PDSS2: variants seen among roughly 807,000 people sequenced by gnomAD.
PDSS2 encodes all trans-polyprenyl-diphosphate synthase PDSS2.
Under a neutral mutation model 44.5 loss-of-function variants are expected in PDSS2, and 31 were observed. The ratio of observed to expected loss-of-function variants is 0.70; its 90% CI spans 0.52 to 0.94. PDSS2 has a LOEUF of 0.94. Ranked by LOEUF, PDSS2 falls within the 40% of genes least tolerant of loss-of-function variation. The pLI is 0.00. For synonymous variants in PDSS2, 157 were observed against 180.3 expected (o/e 0.87, Z 1.03); for missense variants, 452 against 482.2 (o/e 0.94, Z 0.59).
At chr6:107,405,570 G>A (rs1019552666) in intron 1 of PDSS2, among the ~76,000 whole-genome samples, 15 of 152,068 alleles carry the variant, frequency 9.9e-5, no homozygotes, top group South Asian at 4.2e-4. Flanking sequence ...TACAGAGGCC[G>A]GGCGCGGTGG....
intron 1 of PDSS2, among the ~76,000 whole-genome samples, chr6:107,424,569 T>C (rs1780930260): frequency 6.6e-6 from 1 of 152,190 alleles, no homozygotes; most frequent in South Asian, 2.1e-4. Flanking sequence ...ACCTATCCTT[T>C]GTCTTACTTA....
chr6:107,348,649 C>T (rs941408638), intron 1 of PDSS2, among the ~76,000 whole-genome samples: 6 of 152,298 alleles, frequency 3.9e-5, no homozygotes, highest in South Asian at 2.1e-4. Flanking sequence ...ACAATGTTCA[C>T]TTCATGTTTC....
chr6:107,333,631 C>T (rs1777781310), intron 2 of PDSS2, among the ~76,000 whole-genome samples: 2 of 152,058 alleles, frequency 1.3e-5, no homozygotes, highest in South Asian at 2.1e-4. Context: ...ACCTCCCTGG[C>T]CTCAAGCAAT....
At chr6:107,347,631 G>T (rs1316953166) in intron 1 of PDSS2, among the ~76,000 whole-genome samples, 2 of 152,126 alleles carry the variant, frequency 1.3e-5, no homozygotes, top group Non-Finnish European at 2.9e-5. Context: ...AACACCATGG[G>T]TTCTTTCCTT....
intron 4 of PDSS2, among the ~76,000 whole-genome samples, 180 bp from the exon 5 acceptor site, chr6:107,212,462 T>C (rs542971345): frequency 6.6e-6 from 1 of 152,240 alleles, no homozygotes; most frequent in Non-Finnish European, 1.5e-5. Context: ...GTGGGAAAAC[T>C]GCTTTTTTAT....
chr6:107,435,888 T>A (rs560556535), intron 1 of PDSS2, among the ~76,000 whole-genome samples: 8 of 152,192 alleles, frequency 5.3e-5, no homozygotes, highest in Non-Finnish European at 7.4e-5. Context: ...TCCAGGAGAA[T>A]AATTTTTTAA....
intron 1 of PDSS2, among the ~76,000 whole-genome samples, chr6:107,380,434 T>G (rs1006804649): frequency 6.6e-6 from 1 of 152,182 alleles, no homozygotes; most frequent in Admixed American, 6.5e-5. Context: ...GGTAGTTTCC[T>G]TTGAGGGCTG....
chr6:107,393,800 C>T (rs1001419244), intron 1 of PDSS2, among the ~76,000 whole-genome samples: 11 of 152,158 alleles, frequency 7.2e-5, no homozygotes, highest in Non-Finnish European at 1.2e-4. Context: ...TGGCAAAAGC[C>T]ACAATTTCTT....
At chr6:107,240,397 C>T (rs1233392284) in intron 4 of PDSS2, among the ~76,000 whole-genome samples, 1 of 146,594 alleles carries the variant, frequency 6.8e-6, no homozygotes, top group Non-Finnish European at 1.5e-5. Flanking sequence ...TGAGACCCTA[C>T]CTTTTTTTTT....
chr6:107,451,131 C>T (rs1194635946), intron 1 of PDSS2, among the ~76,000 whole-genome samples: 3 of 152,148 alleles, frequency 2.0e-5, no homozygotes, highest in East Asian at 1.9e-4. Flanking sequence ...TGTGCCCAGT[C>T]GTATGTTTAA....
rs957497144 is a variant in PDSS2, at chr6:107,192,405, A to G, written c.1041+1417T>C. On this transcript the variant is annotated intron_variant, in intron 7 of 7. Coordinates refer to ENST00000369037, the MANE Select transcript of PDSS2 (RefSeq NM_020381.4). ...GAAAGGCCCAGGGAAAAAGTCAAAA[A>G]TCAAAGAAGAGGCAGTGAAGGAAAA... 1.8e-5 allele frequency: 9 copies of G among 508,212 alleles called. No homozygotes were observed. The African/African-American group carries it at 1.8e-4, about 10-fold the overall frequency. 31.5% of individuals were successfully genotyped at this position (508,212 alleles called of 1,614,324 possible).
At chr6:107,324,715 T>C (rs1777484747) in intron 2 of PDSS2, among the ~76,000 whole-genome samples, 1 of 152,172 alleles carries the variant, frequency 6.6e-6, no homozygotes, top group Admixed American at 6.5e-5. Context: ...TTTAAAATGC[T>C]ACATATTTGA....
Position 107,367,310 on chromosome 6 carries a change from A to C in PDSS2, c.297-32978T>G, listed in dbSNP as rs565176273. Among the ~76,000 whole-genome samples, 5 of 152,338 alleles carry C rather than the reference A, an allele frequency of 3.3e-5. No individual in the cohort carries two copies. In the East Asian group the frequency reaches 9.6e-4, roughly 29 times the overall value. Reference sequence around the variant, plus strand: ...ATAAAATACAACACCTATTCACAATAAAAACTCTCAATATGTGAGAAACAG... The same window carrying C: ...ATAAAATACAACACCTATTCACAATCAAAACTCTCAATATGTGAGAAACAG... On this transcript the variant is annotated intron_variant, in intron 1 of 7. Coordinates refer to ENST00000369037, the MANE Select transcript of PDSS2 (RefSeq NM_020381.4).
At chr6:107,316,478 T>C (rs999151975) in intron 2 of PDSS2, among the ~76,000 whole-genome samples, 7 of 152,210 alleles carry the variant, frequency 4.6e-5, no homozygotes, top group Non-Finnish European at 8.8e-5. Flanking sequence ...TGCCATTATA[T>C]TCTAGTACAG....
At chr6:107,342,782 C>G (rs1473057265) in intron 1 of PDSS2, among the ~76,000 whole-genome samples, 1 of 151,994 alleles carries the variant, frequency 6.6e-6, no homozygotes, top group Non-Finnish European at 1.5e-5. Flanking sequence ...TATCAGCAAT[C>G]CAAATTACAA....
At chr6:107,228,803 G>T (rs1361634448) in intron 4 of PDSS2, among the ~76,000 whole-genome samples, 2 of 152,102 alleles carry the variant, frequency 1.3e-5, no homozygotes, top group Non-Finnish European at 2.9e-5. Context: ...ATTTTTACTT[G>T]CATCAAACGA....
At chr6:107,439,477 C>T (rs998619342) in intron 1 of PDSS2, among the ~76,000 whole-genome samples, 1 of 152,192 alleles carries the variant, frequency 6.6e-6, no homozygotes, top group Admixed American at 6.5e-5. Flanking sequence ...CTACATGCCA[C>T]CTCTCCCTCA....
At chr6:107,306,520 T>G (rs772252294) in intron 2 of PDSS2, among the ~76,000 whole-genome samples, 10 of 152,202 alleles carry the variant, frequency 6.6e-5, no homozygotes, top group Non-Finnish European at 1.0e-4. Flanking sequence ...ATCAGCAGCA[T>G]GAAAACGGAC....
chr6:107,273,978 T>C (rs773602879), intron 3 of PDSS2, 51 bp downstream of exon 3: 6 of 1,458,006 alleles, frequency 4.1e-6, no homozygotes, highest in Non-Finnish European at 5.8e-6. Flanking sequence ...AGCAGCCAAC[T>C]AATTGCTACC....
Sources: allele counts gnomAD v4.1 joint callset (sites outside exome capture counted in the v4.1 genomes callset), GRCh38; gene constraint gnomAD v4.1.1; transcripts MANE v1.5; gene names NCBI Gene and HGNC (gene_info 2026-07-23, HGNC 2026-07-21).